Variants in PDCD4 observed in about 807,000 individuals in gnomAD.
PDCD4 encodes programmed cell death protein 4.
A neutral mutation model predicts 54.0 loss-of-function variants in PDCD4; 56 were observed. The observed-to-expected ratio is 1.04, with a 90% CI of 0.84 to 1.30. PDCD4 has a LOEUF of 1.30. PDCD4 is among the 50% of genes most tolerant of loss of function. The probability of loss-of-function intolerance (pLI) is 0.00; values close to 1 mark genes in which losing one functional copy is unlikely to be tolerated. For missense variants in PDCD4, 584 were observed against 559.8 expected, an observed-to-expected ratio of 1.04 and a Z score of -0.44; for synonymous variants, 186 against 194.8, an observed-to-expected ratio of 0.95 and a Z score of 0.37.
intron 11 of PDCD4, 89 bp downstream of exon 11, chr10:110,896,176 G>A: frequency 2.1e-6 from 2 of 941,308 alleles, no homozygotes; most frequent in Non-Finnish European, 3.2e-6. Context: ...ATCGTTCCCT[G>A]AAGTCACTGA....
At chr10:110,897,573 T>A (rs11195368) in intron 11 of PDCD4, among the ~76,000 whole-genome samples, 1 of 152,204 alleles carries the variant, frequency 6.6e-6, no homozygotes, top group Admixed American at 6.5e-5. Context: ...ATTCAAGTTA[T>A]GGCTTTTCTA....
At chr10:110,879,578 G>A (rs1845558892) in intron 2 of PDCD4, among the ~76,000 whole-genome samples, 3 of 151,938 alleles carry the variant, frequency 2.0e-5, no homozygotes, top group African/African-American at 4.8e-5. Context: ...GCGTGAACCC[G>A]GGAGGCAGAG....
chr10:110,875,744 AT>A (rs575082698), intron 1 of PDCD4, among the ~76,000 whole-genome samples: 3,628 of 148,486 alleles, frequency 0.024, 138 homozygotes, highest in African/African-American at 0.082. Flanking sequence ...GAAATCTGGG[AT>A]TTTTTTTTTT....
chr10:110,891,362 A>C (rs12240685), intron 8 of PDCD4, among the ~76,000 whole-genome samples: 14,906 of 145,546 alleles, frequency 0.1, 843 homozygotes, highest in Middle Eastern at 0.17. Context: ...AGCTGAGATC[A>C]CACCACTGCA....
intron 3 of PDCD4, 71 bp downstream of exon 3, chr10:110,881,606 A>C: frequency 7.9e-7 from 1 of 1,259,632 alleles, no homozygotes; most frequent in Non-Finnish European, 1.1e-6. Context: ...CTTGTACTAC[A>C]CTTTCCTTGT....
chr10:110,893,953 C>T, intron 8 of PDCD4, 138 bp from the exon 9 acceptor site: 10 of 533,676 alleles, frequency 1.9e-5, no homozygotes, highest in Admixed American at 6.6e-5. Context: ...GTAATAGTAC[C>T]ACATCCAATG....
intron 11 of PDCD4, among the ~76,000 whole-genome samples, chr10:110,896,931 A>G (rs1487973778): frequency 6.6e-6 from 1 of 152,210 alleles, no homozygotes; most frequent in African/African-American, 2.4e-5. Context: ...AAGATAGTTT[A>G]ATAGCTTTAC....
intron 3 of PDCD4, among the ~76,000 whole-genome samples, chr10:110,882,396 G>A (rs1051736388): frequency 6.6e-6 from 1 of 152,142 alleles, no homozygotes; most frequent in Non-Finnish European, 1.5e-5. Flanking sequence ...TTGAAAATTG[G>A]AATTGTTAAG....
At chr10:110,879,315 G>T (rs1845555234) in intron 2 of PDCD4, among the ~76,000 whole-genome samples, 1 of 151,934 alleles carries the variant, frequency 6.6e-6, no homozygotes, top group South Asian at 2.1e-4. Context: ...AGTTAGCAGT[G>T]ATTCTGGTGA....
At chr10:110,874,440 T>C (rs1845471251) in intron 1 of PDCD4, among the ~76,000 whole-genome samples, 1 of 152,194 alleles carries the variant, frequency 6.6e-6, no homozygotes, top group African/African-American at 2.4e-5. Context: ...AATGTAGCCT[T>C]TTCAGCCATG....
chr10:110,880,585 G>GT (rs1261647940), intron 2 of PDCD4: 1 of 152,256 alleles, frequency 6.6e-6, no homozygotes, highest in Non-Finnish European at 1.5e-5. Flanking sequence ...AGCATCAGCA[G>GT]TTCAGCTCAA....
Position 110,885,227 on chromosome 10 carries a change from A to T in PDCD4, c.442-26A>T, listed in dbSNP as rs202141091. ...GTTTATTTGCATTTTGTTTTTTATA[A>T]CTCTTACTCCCTTTTCCCCTCAAAG... On this transcript the variant is annotated intron_variant, in intron 4 of 11. Coordinates refer to ENST00000280154, the MANE Select transcript of PDCD4 (RefSeq NM_014456.5). The T allele has an allele frequency of 2.5e-4, 262 of 1,053,192 alleles. No individual in the cohort carries two copies. The African/African-American group carries it at 3.8e-3, about 15-fold the overall frequency. The allele number at this position is 1,053,192 out of a possible 1,614,324, so 65.2% of individuals were successfully genotyped here.
In PDCD4 at chr10:110,898,743, A is replaced by G. The variant is rs1845891799; in HGVS notation, c.*655A>G. 6.6e-6 allele frequency: 1 copy of G among 152,616 alleles called. No homozygotes were observed. Among genetic ancestry groups the G allele is most frequent in the South Asian group, 2.1e-4 (1 of 4,832 alleles). 9.5% of individuals were successfully genotyped at this position (152,616 alleles called of 1,614,324 possible). A position where few individuals can be genotyped will look rare whatever the true frequency, so the allele number is the denominator to read the frequency against. On this transcript the variant is annotated 3_prime_UTR_variant, in exon 12 of 12. Transcript: ENST00000280154. ...AAATAAAACATGTGAAGCAGTATTG[A>G]TTCTTTATTGGGAGTACATTTTTTT... is the stretch of plus-strand genomic sequence containing the variant.
In PDCD4 at chr10:110,894,495, T is replaced by TA. The variant is rs753801912; in HGVS notation, c.1183dup (p.Thr395AsnfsTer12). The TA allele has an allele frequency of 5.3e-6, 8 of 1,522,120 alleles. No individual in the cohort carries two copies. Among genetic ancestry groups the TA allele is most frequent in the Non-Finnish European group, 7.3e-6 (8 of 1,098,478 alleles). 94.3% of individuals were successfully genotyped at this position (1,522,120 alleles called of 1,614,324 possible). On this transcript the variant is annotated frameshift_variant, in exon 10 of 12. Coordinates refer to ENST00000280154, the MANE Select transcript of PDCD4 (RefSeq NM_014456.5). LOFTEE classifies it high-confidence loss of function. ...TATTAAAGTCCCTTTGGAAGTCTTC[T>TA]ACCATTACTGTAGACCAAATGAAAA...
chr10:110,897,978 A>G lies in PDCD4; in HGVS notation c.1350-50A>G, dbSNP rs548119104. The G allele has an allele frequency of 7.6e-6, 10 of 1,311,310 alleles. No individual in the cohort carries two copies. In the East Asian group the frequency reaches 2.1e-4, roughly 28 times the overall value. The allele number at this position is 1,311,310 out of a possible 1,614,324, so 81.2% of individuals were successfully genotyped here. A position where few individuals can be genotyped will look rare whatever the true frequency, so the allele number is the denominator to read the frequency against. On this transcript the variant is annotated intron_variant, in intron 11 of 11. Coordinates refer to ENST00000280154, the MANE Select transcript of PDCD4 (RefSeq NM_014456.5). The stretch of plus-strand genomic sequence containing the variant: ...TTTTTAATTTTTTTATATATTGACT[A>G]TAGTCAGAATTTGTATCTGTTTTCA...
In PDCD4 at chr10:110,897,967, A is replaced by T. The variant is rs1315786300; in HGVS notation, c.1350-61A>T. 4.2e-6 allele frequency: 5 copies of T among 1,198,602 alleles called. No individual in the cohort carries two copies. The South Asian group carries it at 6.0e-5, about 14-fold the overall frequency. 74.2% of individuals were successfully genotyped at this position (1,198,602 alleles called of 1,614,324 possible). ...AAAATACCAAGTTTTTAATTTTTTT[A>T]TATATTGACTATAGTCAGAATTTGT... On this transcript the variant is annotated intron_variant, in intron 11 of 11. Coordinates refer to ENST00000280154, the MANE Select transcript of PDCD4 (RefSeq NM_014456.5).
intron 2 of PDCD4, among the ~76,000 whole-genome samples, chr10:110,879,090 T>G (rs187650242): frequency 1.1e-3 from 174 of 152,350 alleles, no homozygotes; most frequent in African/African-American, 4.0e-3. Flanking sequence ...TTCATTATTT[T>G]CTTTAAAAGT....
rs184254403 is a variant in PDCD4 at position 110,895,808 on chromosome 10, C to T, written c.1210-140C>T. On this transcript the variant is annotated intron_variant, in intron 10 of 11. Transcript: ENST00000280154. ...TGTAACAAATCTACTTTCTGTGCTT[C>T]TCACGATTCAAATCTGACTTCAGTT... 60 of 592,994 alleles carry T rather than the reference C, an allele frequency of 1.0e-4. No individual in the cohort carries two copies. In the Middle Eastern group the frequency reaches 1.3e-3, roughly 13 times the overall value. 36.7% of individuals were successfully genotyped at this position (592,994 alleles called of 1,614,324 possible).
At chr10:110,885,937 CAAATT>C (rs1250594347) in intron 5 of PDCD4, among the ~76,000 whole-genome samples, 1 of 152,058 alleles carries the variant, frequency 6.6e-6, no homozygotes, top group Non-Finnish European at 1.5e-5. Flanking sequence ...TTAGGATTAT[CAAATT>C]AAAGTAATAC....
Sources: gnomAD v4.1 joint callset for allele counts (sites outside exome capture counted in the v4.1 genomes callset) on GRCh38, gnomAD v4.1.1 for gene constraint, MANE v1.5 for transcripts, NCBI Gene and HGNC (gene_info 2026-07-23, HGNC 2026-07-21) for gene names.